The following PXDNL variants were observed in gnomAD, a reference collection of about 807,000 sequenced individuals.
The protein encoded by PXDNL is peroxidasin like, also known as probable oxidoreductase PXDNL.
In PXDNL, 145 loss-of-function variants were observed where a neutral mutation model predicts 150.8. The ratio of observed to expected loss-of-function variants is 0.96; its 90% confidence interval spans 0.84 to 1.10. The LOEUF is 1.10. PXDNL is among the 50% of genes least tolerant of loss of function. The pLI is 0.00. For synonymous variants in PXDNL, 757 were observed against 725.7 expected (o/e 1.04, Z -0.69); for missense variants, 2,087 against 1,873.9 (o/e 1.11, Z -2.10).
chr8:51,475,324 A>T (rs181084429), intron 6 of PXDNL, among the ~76,000 whole-genome samples, 183 bp from the exon 7 acceptor site: 1 of 152,370 alleles, frequency 6.6e-6, no homozygotes, highest in East Asian at 1.9e-4. Context: ...TCTTGCACAG[A>T]GTAGACACAT....
chr8:51,402,104 T>C (rs1808266023), intron 17 of PXDNL, among the ~76,000 whole-genome samples: 5 of 152,030 alleles, frequency 3.3e-5, no homozygotes, highest in Admixed American at 3.3e-4. Context: ...AACCCAAGAG[T>C]AGAAAGAGGA....
At chr8:51,484,840 A>G (rs569580434) in intron 5 of PXDNL, among the ~76,000 whole-genome samples, 1 of 152,204 alleles carries the variant, frequency 6.6e-6, no homozygotes, top group Non-Finnish European at 1.5e-5. Context: ...TATGACCAAG[A>G]AAAGCACCAG....
At chr8:51,610,621 T>C (rs1156693451) in intron 2 of PXDNL, among the ~76,000 whole-genome samples, 1 of 152,228 alleles carries the variant, frequency 6.6e-6, no homozygotes, top group Non-Finnish European at 1.5e-5. Context: ...TCAATTGGTT[T>C]AGGAGTACAG....
intron 1 of PXDNL, among the ~76,000 whole-genome samples, chr8:51,763,335 G>T (rs1004570470): frequency 8.0e-6 from 1 of 124,582 alleles, no homozygotes; most frequent in Admixed American, 7.7e-5. Context: ...AAAAAAAAAA[G>T]AACCAAAATG....
chr8:51,718,358 G>A (rs554742247), intron 1 of PXDNL, among the ~76,000 whole-genome samples: 13 of 152,302 alleles, frequency 8.5e-5, no homozygotes, highest in African/African-American at 3.1e-4. Context: ...TTAGTGAGTG[G>A]CAAGGAATGG....
At position 51,608,082 on chromosome 8, in the gene PXDNL, C is replaced by A. The variant is rs1174826758; in HGVS notation, c.237-15384G>T. Among the ~76,000 whole-genome samples the A allele has an allele frequency of 2.0e-3, 286 of 146,494 alleles. 1 individual carries two copies. The highest frequency in any genetic ancestry group is 8.2e-3 in the East Asian group (41 of 5,022). On this transcript the variant is annotated intron_variant, in intron 2 of 22. Transcript: ENST00000356297. ...GCAAGCAAGCAAGCAAGCAAGCAAG[C>A]AAGCAAGCAAGCAAGCAAGCAAGCA...
intron 17 of PXDNL, among the ~76,000 whole-genome samples, chr8:51,377,258 G>T (rs1416526866): frequency 3.0e-5 from 2 of 67,094 alleles, no homozygotes. Context: ...TTCCTTCTAG[G>T]GGATTTTTTT....
At chr8:51,387,633 A>C (rs1199944998) in intron 17 of PXDNL, among the ~76,000 whole-genome samples, 1 of 152,194 alleles carries the variant, frequency 6.6e-6, no homozygotes, top group Non-Finnish European at 1.5e-5. Context: ...AGGTGGAATA[A>C]AGTAGATATA....
chr8:51,560,219 G>A lies in PXDNL; in HGVS notation c.309-3308C>T, dbSNP rs369349220. On this transcript the variant is annotated intron_variant, in intron 3 of 22. Coordinates refer to ENST00000356297, the MANE Select transcript of PXDNL (RefSeq NM_144651.5). ...CTCATGGCCTTAAAGATTTAATATC[G>A]TTAAAATGTCAATACTACTCAAAGT... Among the ~76,000 whole-genome samples the A allele has an allele frequency of 4.7e-4, 71 of 151,976 alleles. 1 individual carries two copies. The East Asian group carries it at 0.01, about 22-fold the overall frequency.
At chr8:51,569,283 A>C (rs1357157136) in intron 3 of PXDNL, among the ~76,000 whole-genome samples, 1 of 151,994 alleles carries the variant, frequency 6.6e-6, no homozygotes, top group East Asian at 1.9e-4. Context: ...ATGCATACAA[A>C]TATGTAATAT....
chr8:51,462,271 G>C (rs1348464815), intron 8 of PXDNL, among the ~76,000 whole-genome samples: 1 of 152,184 alleles, frequency 6.6e-6, no homozygotes, highest in African/African-American at 2.4e-5. Context: ...CCAAATGACT[G>C]TACTGACTCC....
At chr8:51,691,779 A>G (rs1052883973) in intron 1 of PXDNL, among the ~76,000 whole-genome samples, 4 of 152,086 alleles carry the variant, frequency 2.6e-5, no homozygotes, top group East Asian at 1.9e-4. Context: ...CGTTTTTACC[A>G]TATCTTGTTA....
At chr8:51,457,128 T>C (rs1370387102) in intron 9 of PXDNL, among the ~76,000 whole-genome samples, 1 of 152,210 alleles carries the variant, frequency 6.6e-6, no homozygotes, top group Non-Finnish European at 1.5e-5. Context: ...GCTAGCTCAG[T>C]GGGCATTCAA....
At chr8:51,669,331 A>G (rs1294402651) in intron 1 of PXDNL, among the ~76,000 whole-genome samples, 1 of 152,244 alleles carries the variant, frequency 6.6e-6, no homozygotes, top group East Asian at 1.9e-4. Context: ...GTAACTAAAA[A>G]GAAAAAACTT....
chr8:51,714,772 C>T lies in PXDNL; in HGVS notation c.165-60012G>A, dbSNP rs552783566. On this transcript the variant is annotated intron_variant, in intron 1 of 22. Transcript: ENST00000356297. ...ATCTCCTGAATGGACAAATGAAATA[C>T]CTTTCCATTCAGACACCTTTTTGCT... Among the ~76,000 whole-genome samples the T allele has an allele frequency of 8.5e-5, 13 of 152,282 alleles. No homozygotes were observed. The South Asian group carries it at 2.7e-3, about 32-fold the overall frequency.
chr8:51,367,874 T>A (rs1806968629), intron 19 of PXDNL, among the ~76,000 whole-genome samples: 2 of 152,196 alleles, frequency 1.3e-5, no homozygotes, highest in East Asian at 1.9e-4. Context: ...ATGCCTGTAA[T>A]CCCAGCATTC....
chr8:51,643,389 C>T (rs1278212079), intron 2 of PXDNL, among the ~76,000 whole-genome samples: 2 of 152,142 alleles, frequency 1.3e-5, no homozygotes, highest in Non-Finnish European at 2.9e-5. Context: ...AATAATACCA[C>T]ACATCTACAA....
At chr8:51,423,449 TA>T in intron 14 of PXDNL, 125 bp downstream of exon 14, 1 of 593,650 alleles carries the variant, frequency 1.7e-6, no homozygotes, top group Non-Finnish European at 2.6e-6. Flanking sequence ...GCTTTGACTA[TA>T]AACACACTTG....
intron 2 of PXDNL, among the ~76,000 whole-genome samples, chr8:51,603,505 T>A (rs568466623): frequency 3.9e-4 from 59 of 152,200 alleles, no homozygotes; most frequent in African/African-American, 1.4e-3. Context: ...TCTTTCATCA[T>A]ATTTTGTAAC....
Sources: allele counts gnomAD v4.1 joint callset (sites outside exome capture counted in the v4.1 genomes callset), GRCh38; gene constraint gnomAD v4.1.1; transcripts MANE v1.5; gene names NCBI Gene and HGNC (gene_info 2026-07-23, HGNC 2026-07-21).